The following HACD1 variants were observed in gnomAD, a reference collection of about 807,000 sequenced individuals.
HACD1 encodes the protein very-long-chain (3R)-3-hydroxyacyl-CoA dehydratase 1.
Under a neutral mutation model 32.0 loss-of-function variants are expected in HACD1, and 41 were observed. The observed-to-expected ratio is 1.28, with a 90% CI of 1.00 to 1.66. The LOEUF (loss-of-function observed/expected upper bound fraction) is 1.66. Among genes scored for constraint, HACD1 ranks in the 40% most tolerant of loss-of-function variants. The pLI, the probability that HACD1 is intolerant of heterozygous loss-of-function variation, is 0.00. For synonymous variants in HACD1, 142 were observed against 139.0 expected, an observed-to-expected ratio of 1.02 and a Z score of -0.15; for missense variants, 396 against 380.1, an observed-to-expected ratio of 1.04 and a Z score of -0.35.
intron 1 of HACD1, among the ~76,000 whole-genome samples, chr10:17,612,523 A>T (rs1554817592): frequency 6.6e-6 from 1 of 152,194 alleles, no homozygotes; most frequent in African/African-American, 2.4e-5. Flanking sequence ...AGAAAGTGGG[A>T]TGGAGAAAAA....
chr10:17,603,503 C>T, intron 4 of HACD1, 57 bp downstream of exon 4: 1 of 1,418,826 alleles, frequency 7.0e-7, no homozygotes, highest in Non-Finnish European at 9.8e-7. Flanking sequence ...TTTTAGATTC[C>T]TATGAATGGA....
rs375551451 is a variant in HACD1, at chr10:17,599,327, G to C, written c.568C>G (p.Leu190Val). ...ATGAAGTATGGCAAGTGGTCAAGAA[G>C]GCTGAATGTGTAGAAGGAATAGCGA... ...ITRYSFYTFS[L>V]LDHLPYFIKW... The change falls in exon 5 of 7, where the codon CTT becomes GTT. Residue 190 changes from leucine to valine, a missense_variant. By Grantham distance (32) the Leu-to-Val change is conservative (BLOSUM62 1). Transcript: ENST00000361271. The C allele has an allele frequency of 1.5e-5, 24 of 1,613,904 alleles. No homozygotes were observed. The highest frequency in any genetic ancestry group is 2.0e-5 in the Non-Finnish European group (24 of 1,180,026).
chr10:17,616,936 G>A, intron 1 of HACD1, 147 bp downstream of exon 1: 2 of 930,500 alleles, frequency 2.1e-6, no homozygotes, highest in Non-Finnish European at 2.8e-6. Context: ...TTCAACCCCG[G>A]CGGTGGCCGC....
intron 5 of HACD1, among the ~76,000 whole-genome samples, chr10:17,598,278 A>AAAT (rs370233736): frequency 6.8e-6 from 1 of 146,378 alleles, no homozygotes; most frequent in Non-Finnish European, 1.5e-5. Context: ...AAAAAAAAAA[A>AAAT]AGAGAAAAAA....
intron 1 of HACD1, chr10:17,615,882 G>A: frequency 4.7e-6 from 2 of 421,598 alleles, no homozygotes; most frequent in Non-Finnish European, 9.6e-6. Context: ...CAGGAGAATC[G>A]CTTGAACTCC....
At chr10:17,615,297 C>T (rs1185006007) in intron 1 of HACD1, among the ~76,000 whole-genome samples, 1 of 152,158 alleles carries the variant, frequency 6.6e-6, no homozygotes, top group Non-Finnish European at 1.5e-5. Context: ...AGTATCTGTG[C>T]CTCACTCTTC....
rs782814697 is a variant in HACD1, at chr10:17,599,417, G to A, written c.484-6C>T. 5 of 1,611,508 alleles carry A rather than the reference G, an allele frequency of 3.1e-6. No individual in the cohort carries two copies. In the South Asian group the frequency reaches 5.5e-5, roughly 18 times the overall value. On this transcript the variant is annotated splice_region_variant and splice_polypyrimidine_tract_variant and intron_variant, in intron 4 of 6. Coordinates refer to ENST00000361271, the MANE Select transcript of HACD1 (RefSeq NM_014241.4). ...ACACTCTCTTCATTCTGGATCTGCA[G>A]AATTACAGAGAAACCCAGTGTCATT...
chr10:17,591,478 C>T (rs1345197366), intron 6 of HACD1, among the ~76,000 whole-genome samples: 3 of 152,112 alleles, frequency 2.0e-5, no homozygotes, highest in South Asian at 4.2e-4. Flanking sequence ...AGAAGCTCCT[C>T]CTGGCTGGGT....
chr10:17,594,138 T>G (rs1042824499), intron 6 of HACD1, 67 bp downstream of exon 6: 1 of 1,213,042 alleles, frequency 8.2e-7, no homozygotes, highest in African/African-American at 1.5e-5. Flanking sequence ...CCCTTGCATA[T>G]TATTATATCC....
At chr10:17,590,527 G>C in intron 6 of HACD1, 81 bp from the exon 7 acceptor site, 4 of 1,034,548 alleles carry the variant, frequency 3.9e-6, no homozygotes, top group Non-Finnish European at 5.7e-6. Context: ...ATGTGGCAAT[G>C]TTAGAGAGTA....
chr10:17,591,642 T>C (rs1411675770), intron 6 of HACD1, among the ~76,000 whole-genome samples: 1 of 152,238 alleles, frequency 6.6e-6, no homozygotes, highest in Non-Finnish European at 1.5e-5. Context: ...TAAATGTTGG[T>C]GGATAAACAA....
chr10:17,597,920 C>A (rs149793733), intron 5 of HACD1, among the ~76,000 whole-genome samples: 7 of 151,856 alleles, frequency 4.6e-5, no homozygotes, highest in African/African-American at 1.7e-4. Flanking sequence ...AGTGGTAAGC[C>A]GCAAGTGTCT....
At chr10:17,603,840 G>A in intron 2 of HACD1, 90 bp downstream of exon 2, 1 of 1,468,350 alleles carries the variant, frequency 6.8e-7, no homozygotes, top group South Asian at 1.2e-5. Context: ...TAGGTGGTAT[G>A]TAATCAGCAA....
chr10:17,592,923 C>CG (rs1180037031), intron 6 of HACD1, among the ~76,000 whole-genome samples: 1 of 152,118 alleles, frequency 6.6e-6, no homozygotes, highest in Non-Finnish European at 1.5e-5. Context: ...AGACATCTGC[C>CG]GGGGGCAGGG....
intron 1 of HACD1, among the ~76,000 whole-genome samples, chr10:17,611,615 A>T (rs12240381): frequency 0.065 from 9,955 of 152,256 alleles, 518 homozygotes; most frequent in African/African-American, 0.15. Context: ...TGTCAGAAAG[A>T]AAGAGAGAGG....
chr10:17,608,052 G>T, intron 1 of HACD1, among the ~76,000 whole-genome samples: 1 of 151,860 alleles, frequency 6.6e-6, no homozygotes, highest in Non-Finnish European at 1.5e-5. Flanking sequence ...GCTCTGTCCC[G>T]CAGGCTGGAG....
rs1022797049 is a variant in HACD1, at chr10:17,589,307, G to A, written c.*1057C>T. On this transcript the variant is annotated 3_prime_UTR_variant, in exon 7 of 7. Coordinates refer to ENST00000361271, the MANE Select transcript of HACD1 (RefSeq NM_014241.4). ...TCATCATCACTATTTTTCAGAGACA[G>A]GGTCTTGCTCTGTCACCCAGGCTTA... is the stretch of plus-strand genomic sequence containing the variant. 7 of 152,266 alleles carry A rather than the reference G, an allele frequency of 4.6e-5. No homozygotes were observed. Among genetic ancestry groups the A allele is most frequent in the African/African-American group, 1.7e-4 (7 of 41,412 alleles). 9.4% of individuals were successfully genotyped at this position (152,266 alleles called of 1,614,324 possible). A position where few individuals can be genotyped will look rare whatever the true frequency, so the allele number is the denominator to read the frequency against.
In HACD1 at chr10:17,612,686, C is replaced by T. The variant is rs367564251; in HGVS notation, c.257+4397G>A. ...CTGTAATCCCAGCACTTTGGGAGGG[C>T]GAGGCGGGCGGATCACGATGTCAGG... On this transcript the variant is annotated intron_variant, in intron 1 of 6. Coordinates refer to ENST00000361271, the MANE Select transcript of HACD1 (RefSeq NM_014241.4). 1.3e-3 allele frequency among the ~76,000 whole-genome samples: 193 copies of T among 151,798 alleles called. 2 individuals carry two copies. Among genetic ancestry groups the T allele is most frequent in the Non-Finnish European group, 2.3e-3 (155 of 67,902 alleles).
chr10:17,612,898 G>A (rs565155058), intron 1 of HACD1, among the ~76,000 whole-genome samples: 24 of 149,412 alleles, frequency 1.6e-4, no homozygotes, highest in Non-Finnish European at 3.3e-4. Flanking sequence ...CTCCAGCTGG[G>A]TGATAGAGCA....
Sources: gnomAD v4.1 joint callset for allele counts (sites outside exome capture counted in the v4.1 genomes callset) on GRCh38, gnomAD v4.1.1 for gene constraint, MANE v1.5 for transcripts, NCBI Gene and HGNC (gene_info 2026-07-23, HGNC 2026-07-21) for gene names.